PTPRE: variants seen among roughly 807,000 people sequenced by gnomAD.
PTPRE encodes the protein protein tyrosine phosphatase receptor type E.
A neutral mutation model predicts 102.0 loss-of-function variants in PTPRE; 51 were observed. The ratio of observed to expected loss-of-function variants is 0.50; its 90% CI spans 0.40 to 0.63. The LOEUF (loss-of-function observed/expected upper bound fraction) is 0.63. PTPRE is among the 30% of genes least tolerant of loss of function. PTPRE has a pLI of 0.00. For missense variants in PTPRE, 752 were observed against 915.1 expected (o/e 0.82, Z 2.30); for synonymous variants, 345 against 348.2 (o/e 0.99, Z 0.10).
intron 2 of PTPRE, among the ~76,000 whole-genome samples, chr10:128,033,074 A>G (rs1449996596): frequency 6.6e-6 from 1 of 152,242 alleles, no homozygotes; most frequent in Admixed American, 6.5e-5. Context: ...CTGACCACGT[A>G]GAAGCCAGGA....
At position 128,004,704 on chromosome 10, in the gene PTPRE, G is replaced by A. The variant is rs536877165; in HGVS notation, c.-8+22408G>A. ...GCTATGATGAATTATGTGCTATTAC[G>A]ATAATCATGGATGAGTTTTTCTTTG... is the stretch of plus-strand genomic sequence containing the variant. On this transcript the variant is annotated intron_variant, in intron 2 of 20. Coordinates refer to ENST00000254667, the MANE Select transcript of PTPRE (RefSeq NM_006504.6). Among the ~76,000 whole-genome samples the A allele has an allele frequency of 3.9e-5, 6 of 152,298 alleles. No homozygotes were observed. The East Asian group carries it at 1.2e-3, about 29-fold the overall frequency.
intron 1 of PTPRE, among the ~76,000 whole-genome samples, chr10:127,942,141 G>A (rs1166160617): frequency 6.6e-6 from 1 of 152,164 alleles, no homozygotes; most frequent in Non-Finnish European, 1.5e-5. Flanking sequence ...GGAAGCTGGA[G>A]ACCACGATGT....
At chr10:128,034,185 A>G (rs1181534172) in intron 2 of PTPRE, among the ~76,000 whole-genome samples, 1 of 152,164 alleles carries the variant, frequency 6.6e-6, no homozygotes, top group African/African-American at 2.4e-5. Context: ...TTTGTAAATA[A>G]ACCTAAGTGT....
chr10:128,045,091 C>T (rs1054297767), intron 3 of PTPRE, among the ~76,000 whole-genome samples: 3 of 152,238 alleles, frequency 2.0e-5, no homozygotes, highest in Admixed American at 6.5e-5. Flanking sequence ...TTACCTGCCC[C>T]TTGAAGGCCA....
At chr10:127,998,755 C>T (rs1240191415) in intron 2 of PTPRE, 2 of 152,038 alleles carry the variant, frequency 1.3e-5, no homozygotes, top group Admixed American at 1.3e-4. Context: ...CACTAACGAC[C>T]GCGCCACTGG....
chr10:128,033,333 A>T (rs1022699174), intron 2 of PTPRE, among the ~76,000 whole-genome samples: 1 of 152,250 alleles, frequency 6.6e-6, no homozygotes, highest in African/African-American at 2.4e-5. Flanking sequence ...GAACCATCAG[A>T]TGATGCCAGT....
chr10:128,047,369 G>T, intron 3 of PTPRE, 21 bp from the exon 4 acceptor site: 1 of 1,611,348 alleles, frequency 6.2e-7, no homozygotes, highest in Non-Finnish European at 8.5e-7. Context: ...AGGGGTTAGG[G>T]TCTTTCTGCT....
chr10:127,912,720 G>T (rs866124431), intron 1 of PTPRE, among the ~76,000 whole-genome samples: 1 of 152,190 alleles, frequency 6.6e-6, no homozygotes. Context: ...TGGTGTGAGC[G>T]CCCTGGGCAG....
intron 6 of PTPRE, 74 bp downstream of exon 6, chr10:128,049,740 T>A (rs1414009434): frequency 6.3e-7 from 1 of 1,593,726 alleles, no homozygotes; most frequent in East Asian, 2.2e-5. Context: ...GAGTTCAGGA[T>A]GAATTATCCC....
At chr10:128,010,909 A>G (rs1456405418) in intron 2 of PTPRE, among the ~76,000 whole-genome samples, 1 of 152,150 alleles carries the variant, frequency 6.6e-6, no homozygotes, top group Non-Finnish European at 1.5e-5. Context: ...TGGTTCCTTA[A>G]ACAGCTGGTA....
chr10:128,006,821 TTC>T (rs1854599466), intron 2 of PTPRE, among the ~76,000 whole-genome samples: 1 of 152,202 alleles, frequency 6.6e-6, no homozygotes, highest in Non-Finnish European at 1.5e-5. Context: ...AGAAAAGTAT[TTC>T]TGTCATGGCT....
chr10:128,005,800 G>T (rs1854477666), intron 2 of PTPRE, among the ~76,000 whole-genome samples: 1 of 152,124 alleles, frequency 6.6e-6, no homozygotes, highest in South Asian at 2.1e-4. Context: ...AGTTCCGGAG[G>T]CTGCAAGTCT....
Position 128,077,795 on chromosome 10 carries a change from GC to G in PTPRE, c.1892+15del, listed in dbSNP as rs779771180. 1 of 1,577,034 alleles carries G rather than the reference GC, an allele frequency of 6.3e-7. No homozygotes were observed. Among genetic ancestry groups the G allele is most frequent in the Admixed American group, 1.7e-5 (1 of 58,906 alleles). ...ACCGTGCACTGCAGGTGAGCCCCCA[GC>G]CCGAAGCCCTCCAGGTGGGGTGGAC... On this transcript the variant is annotated intron_variant, in intron 19 of 20. Coordinates refer to ENST00000254667, the MANE Select transcript of PTPRE (RefSeq NM_006504.6).
At chr10:128,025,336 G>A (rs1452923147) in intron 2 of PTPRE, among the ~76,000 whole-genome samples, 2 of 152,074 alleles carry the variant, frequency 1.3e-5, no homozygotes, top group African/African-American at 2.4e-5. Context: ...GAGGACCCAC[G>A]GCTTCAGCTT....
rs138208978 is a variant in PTPRE at position 128,053,175 on chromosome 10, C to A, written c.421-2948C>A. ...CTGAGGTGGGAGAATCACTTGAACCCGGGAGGCAGAGGTTGCAGTGAGTCG... is the reference window on the plus strand; with the variant it reads ...CTGAGGTGGGAGAATCACTTGAACCAGGGAGGCAGAGGTTGCAGTGAGTCG... On this transcript the variant is annotated intron_variant, in intron 6 of 20. Coordinates refer to ENST00000254667, the MANE Select transcript of PTPRE (RefSeq NM_006504.6). 6.2e-3 allele frequency among the ~76,000 whole-genome samples: 937 copies of A among 152,230 alleles called. 14 individuals carry two copies. The highest frequency in any genetic ancestry group is 0.022 in the African/African-American group (898 of 41,532).
At chr10:128,012,167 T>C (rs1845072924) in intron 2 of PTPRE, among the ~76,000 whole-genome samples, 2 of 152,176 alleles carry the variant, frequency 1.3e-5, no homozygotes, top group Non-Finnish European at 2.9e-5. Flanking sequence ...AGTGACAAGA[T>C]TGTGAGCCCA....
intron 1 of PTPRE, among the ~76,000 whole-genome samples, chr10:127,922,805 A>G (rs917869113): frequency 1.3e-5 from 2 of 152,218 alleles, no homozygotes; most frequent in African/African-American, 4.8e-5. Flanking sequence ...ATTTCTGCCC[A>G]GGTTCCTTTC....
chr10:127,985,997 A>G lies in PTPRE; in HGVS notation c.-8+3701A>G, dbSNP rs146523906. 6.4e-3 allele frequency among the ~76,000 whole-genome samples: 981 copies of G among 152,262 alleles called. 15 individuals carry two copies. The highest frequency in any genetic ancestry group is 0.022 in the African/African-American group (906 of 41,544). On this transcript the variant is annotated intron_variant, in intron 2 of 20. Transcript: ENST00000254667. ...TCCCAGCTACTTGAGAGGCTGAGGC[A>G]TGAGAATTGCTTAAACCTTGGAGGC...
intron 6 of PTPRE, among the ~76,000 whole-genome samples, chr10:128,054,983 A>G (rs2135899136): frequency 6.6e-6 from 1 of 152,220 alleles, no homozygotes; most frequent in South Asian, 2.1e-4. Context: ...GACCCTGGAC[A>G]AATCTATAAC....
Sources: allele counts gnomAD v4.1 joint callset (sites outside exome capture counted in the v4.1 genomes callset), GRCh38; gene constraint gnomAD v4.1.1; transcripts MANE v1.5; gene names NCBI Gene and HGNC (gene_info 2026-07-23, HGNC 2026-07-21).